The following ARMCX4 variants were observed in gnomAD, a reference collection of about 807,000 sequenced individuals.
The protein encoded by ARMCX4 is armadillo repeat-containing X-linked protein 4.
In ARMCX4, 3 loss-of-function variants were observed where a neutral mutation model predicts 34.7. That is an observed-to-expected ratio of 0.09 (90% confidence interval 0.04 to 0.22). The LOEUF (loss-of-function observed/expected upper bound fraction) is 0.22, where lower values mean the gene tolerates loss of function less well. ARMCX4 is among the 10% of genes least tolerant of loss of function. The probability of loss-of-function intolerance (pLI) is 1.00; values close to 1 mark genes in which losing one functional copy is unlikely to be tolerated. For synonymous variants in ARMCX4, 513 were observed against 632.8 expected (o/e 0.81, Z 2.84); for missense variants, 1,448 against 1,720.8 (o/e 0.84, Z 2.81).
At chrX:101,483,936 A>G (rs1227835435), upstream of ARMCX4, among the ~76,000 whole-genome samples, 1 of 111,263 alleles carries the variant, frequency 9.0e-6, no homozygotes, top group Non-Finnish European at 1.9e-5. Flanking sequence ...GGCTGCCTGG[A>G]GGGTCTATAT....
intron 2 of ARMCX4, among the ~76,000 whole-genome samples, chrX:101,438,013 G>T (rs1181924555): frequency 1.8e-5 from 2 of 111,840 alleles, no homozygotes; most frequent in Non-Finnish European, 3.8e-5. Flanking sequence ...CTGAGAGACA[G>T]ACCACATTAT....
chrX:101,432,848 G>GTA lies in ARMCX4; in HGVS notation n.165-11203_165-11202insAT, dbSNP rs1555992564. Among the ~76,000 whole-genome samples, 6 of 92,163 alleles carry GTA rather than the reference G, an allele frequency of 6.5e-5. 1 individual carries two copies. The highest frequency in any genetic ancestry group is 1.3e-4 in the Non-Finnish European group (6 of 46,172). The allele number at this position is 92,163 out of a possible 115,157, so 80.0% of individuals were successfully genotyped here. On this transcript the variant is annotated intron_variant and non_coding_transcript_variant, in intron 2 of 3. Coordinates refer to the ARMCX4 transcript ENST00000430461. ...TATACGTGTATATATGTATACATAT[G>GTA]TGTATATATACACGTATATATACAC...
chrX:101,439,386 C>G (rs1247151275), intron 2 of ARMCX4, among the ~76,000 whole-genome samples: 1 of 111,729 alleles, frequency 9.0e-6, no homozygotes, highest in Non-Finnish European at 1.9e-5. Context: ...CGCCCTTTCT[C>G]TCTGGCTGCC....
At chrX:101,462,337 C>CATTTATTAAGATAAAA (rs1422982338) in intron 4 of ARMCX4, among the ~76,000 whole-genome samples, 1 of 110,971 alleles carries the variant, frequency 9.0e-6, no homozygotes, top group Admixed American at 9.7e-5. Context: ...TAATCAGGAA[C>CATTTATTAAGATAAAA]ATTTATTAAG....
upstream of ARMCX4, among the ~76,000 whole-genome samples, chrX:101,480,545 G>A (rs958746400): frequency 1.5e-4 from 17 of 111,020 alleles, no homozygotes; most frequent in African/African-American, 5.3e-4. Flanking sequence ...CAGCCTGGGC[G>A]ACACAGCGAA....
Position 101,491,507 on chromosome X carries a change from A to T in ARMCX4, c.2918A>T (p.Asn973Ile). The T allele has an allele frequency of 8.7e-7, 1 of 1,155,849 alleles. No individual in the cohort carries two copies. Among genetic ancestry groups the T allele is most frequent in the South Asian group, 1.9e-5 (1 of 52,762 alleles). The change falls in exon 6 of 6, where the codon AAT becomes ATT. Residue 973 changes from asparagine to isoleucine, a missense_variant. Asn to Ile is a moderately radical substitution (Grantham distance 149, BLOSUM62 -3). Coordinates refer to ENST00000423738, the MANE Select transcript of ARMCX4 (RefSeq NM_001256155.3). Reference protein sequence around the residue: ...GAKNKVRGNSNAVPKAEAGAD... With the variant: ...GAKNKVRGNSIAVPKAEAGAD... ...AAAAATAAGGTCAGGGGCAATTCCA[A>T]TGCTGTGCCTAAGGCAGAGGCTGGG...
downstream of ARMCX4, among the ~76,000 whole-genome samples, chrX:101,451,691 C>T (rs192354964): frequency 1.2e-4 from 13 of 111,993 alleles, 1 homozygote; most frequent in East Asian, 3.6e-3. Flanking sequence ...AGACACAAGA[C>T]CAAAATGTGC....
At position 101,492,441 on chromosome X, in the gene ARMCX4, G is replaced by T; in HGVS notation, c.3852G>T (p.Gly1284=). 1 of 1,153,989 alleles carries T rather than the reference G, an allele frequency of 8.7e-7. No homozygotes were observed. The highest frequency in any genetic ancestry group is 1.1e-6 in the Non-Finnish European group (1 of 872,152). The change falls in exon 6 of 6, where the codon GGG becomes GGT. Residue 1284 remains glycine, a synonymous_variant. Transcript: ENST00000423738. ...GGTCTTGGGCTGGAGCTGGGGCTGG[G>T]AATATGAGTAGTGTTTCATACTGGG... ...SEGSWAGAGA[G]NMSSVSYWAG...
intron 11 of ARMCX4, among the ~76,000 whole-genome samples, chrX:101,512,791 T>G (rs1219783615): frequency 1.0e-5 from 1 of 100,306 alleles, no homozygotes; most frequent in African/African-American, 3.9e-5. Flanking sequence ...TATACACATA[T>G]ATATACATAT....
chrX:101,432,217 C>T, intron 2 of ARMCX4, among the ~76,000 whole-genome samples: 1 of 111,532 alleles, frequency 9.0e-6, no homozygotes, highest in Middle Eastern at 4.6e-3. Flanking sequence ...CCTCTATGAC[C>T]ACTCTTGACC....
intron 4 of ARMCX4, among the ~76,000 whole-genome samples, chrX:101,454,620 C>A (rs1333268149): frequency 9.0e-6 from 1 of 110,998 alleles, no homozygotes; most frequent in Non-Finnish European, 1.9e-5. Flanking sequence ...ATCTTGATGT[C>A]ACTGAACAAA....
At chrX:101,521,565 C>T (rs1934855097) in intron 11 of ARMCX4, among the ~76,000 whole-genome samples, 1 of 110,057 alleles carries the variant, frequency 9.1e-6, no homozygotes, top group African/African-American at 3.3e-5. Context: ...TGTCTCCTCT[C>T]TAATACTTCT....
At chrX:101,445,980 T>C (rs1215416544) in intron 3 of ARMCX4, 1 of 111,986 alleles carries the variant, frequency 8.9e-6, no homozygotes, top group African/African-American at 3.2e-5. Flanking sequence ...GTGATTACAT[T>C]TTTTCCTTCT....
rs1215277834 is a variant in ARMCX4 at position 101,489,173 on chromosome X, T to G, written c.584T>G (p.Leu195Trp). The change falls in exon 6 of 6, where the codon TTG becomes TGG. Residue 195 changes from leucine (L) to tryptophan (W), a missense_variant. Around this residue, in one of 2 missense-constraint regions of ARMCX4, gnomAD observed 1,343 missense variants for 1,540.7 expected, o/e 0.87. Coordinates refer to ENST00000423738, the MANE Select transcript of ARMCX4 (RefSeq NM_001256155.3). ...MTQTKAETHI[L>W]AEKETEINRV... ...CAGACCAAAGCTGAAACTCATATATTGGCTGAAAAAGAGACAGAGATTAAC... is the reference window on the plus strand; with the variant it reads ...CAGACCAAAGCTGAAACTCATATATGGGCTGAAAAAGAGACAGAGATTAAC... The G allele has an allele frequency of 2.0e-5, 23 of 1,154,365 alleles. No individual in the cohort carries two copies. The highest frequency in any genetic ancestry group is 2.4e-5 in the Non-Finnish European group (21 of 872,742).
chrX:101,476,862 G>T (rs1487256026), intron 4 of ARMCX4, among the ~76,000 whole-genome samples: 3 of 110,919 alleles, frequency 2.7e-5, no homozygotes, highest in African/African-American at 9.8e-5. Flanking sequence ...AAGAAAAAAA[G>T]AAAGCAAGAA....
intron 4 of ARMCX4, 58 bp from the exon 5 acceptor site, chrX:101,487,986 C>G (rs1016358751): frequency 1.5e-6 from 1 of 658,785 alleles, no homozygotes; most frequent in Non-Finnish European, 2.1e-6. Flanking sequence ...ATCTGTCCCT[C>G]CATCTGTCTG....
intron 11 of ARMCX4, among the ~76,000 whole-genome samples, chrX:101,518,313 G>A (rs782642995): frequency 2.7e-5 from 3 of 111,799 alleles, no homozygotes; most frequent in Non-Finnish European, 5.7e-5. Flanking sequence ...TGGAAGCAGA[G>A]TTAGGATATA....
chrX:101,451,899 G>T (rs1555999159), downstream of ARMCX4, among the ~76,000 whole-genome samples: 1 of 112,171 alleles, frequency 8.9e-6, no homozygotes, highest in Non-Finnish European at 1.9e-5. Context: ...AGGACAGCCT[G>T]CCCAGTAAGC....
chrX:101,497,024 G>A (rs1156889078), downstream of ARMCX4, among the ~76,000 whole-genome samples: 2 of 111,620 alleles, frequency 1.8e-5, no homozygotes, highest in Middle Eastern at 4.2e-3. Context: ...ATATTATGCC[G>A]CTATTGAAAA....
Sources: gnomAD v4.1 joint callset for allele counts (sites outside exome capture counted in the v4.1 genomes callset) on GRCh38, gnomAD v4.1.1 for gene constraint, gnomAD v4.1.1 regional missense constraint, MANE v1.5 for transcripts, NCBI Gene and HGNC (gene_info 2026-07-23, HGNC 2026-07-21) for gene names.